IQANK1: variants seen among roughly 807,000 people sequenced by gnomAD.
IQANK1 encodes IQ motif and ankyrin repeat domain-containing protein 1.
Under a neutral mutation model 22.6 loss-of-function variants are expected in IQANK1, and 30 were observed. The observed-to-expected ratio is 1.33, with a 90% CI of 0.99 to 1.80. The LOEUF (loss-of-function observed/expected upper bound fraction) is 1.80. Among genes scored for constraint, IQANK1 ranks in the 40% most tolerant of loss-of-function variants. The pLI is 0.00. For missense variants in IQANK1, 275 were observed against 235.2 expected (o/e 1.17, Z -1.11); for synonymous variants, 122 against 99.6 (o/e 1.23, Z -1.34).
intron 7 of IQANK1, among the ~76,000 whole-genome samples, chr8:143,775,088 G>A (rs1236962918): frequency 6.6e-6 from 1 of 151,998 alleles, no homozygotes; most frequent in Non-Finnish European, 1.5e-5. Context: ...ACGCAAAACT[G>A]CACATGTGAG....
intron 7 of IQANK1, among the ~76,000 whole-genome samples, chr8:143,785,483 T>A (rs928555641): frequency 2.0e-5 from 3 of 152,116 alleles, no homozygotes; most frequent in African/African-American, 7.2e-5. Context: ...CTTGAACTCC[T>A]GACCTCAAGT....
intron 7 of IQANK1, among the ~76,000 whole-genome samples, chr8:143,776,767 G>A (rs566503455): frequency 3.9e-5 from 6 of 152,234 alleles, no homozygotes; most frequent in Admixed American, 3.3e-4. Flanking sequence ...TAGCTAATAA[G>A]GCAGTTGAAT....
chr8:143,769,368 A>AT (rs1237064679), intron 3 of IQANK1, among the ~76,000 whole-genome samples: 2 of 148,054 alleles, frequency 1.4e-5, no homozygotes, highest in Non-Finnish European at 3.0e-5. Context: ...CCCTATATAT[A>AT]TTTTTTTAAA....
intron 7 of IQANK1, among the ~76,000 whole-genome samples, chr8:143,773,011 A>G (rs1554629950): frequency 6.6e-6 from 1 of 152,218 alleles, no homozygotes; most frequent in East Asian, 1.9e-4. Flanking sequence ...TAGAAAGGAC[A>G]GTCTGGCTGT....
At position 143,735,843 on chromosome 8, in the gene IQANK1, C is replaced by T. The variant is rs1170550920; in HGVS notation, c.-4-7C>T. Reference sequence around the variant, plus strand: ...CTCTCCCTGGTCCTTCCCTACCCACCCCCCAGGAGAATGGACAGTAAGAAG... The same window carrying T: ...CTCTCCCTGGTCCTTCCCTACCCACTCCCCAGGAGAATGGACAGTAAGAAG... On this transcript the variant is annotated splice_region_variant and splice_polypyrimidine_tract_variant and intron_variant, in intron 1 of 13. Transcript: ENST00000527139. This position sits in a 1 kb window ranked among gnomAD's most constrained non-coding sequence, Gnocchi z 5.2. The T allele has an allele frequency of 2.7e-5, 19 of 702,576 alleles. No homozygotes were observed. In the East Asian group the frequency reaches 4.8e-4, roughly 18 times the overall value. The allele number at this position is 702,576 out of a possible 1,614,324, so 43.5% of individuals were successfully genotyped here.
chr8:143,780,193 C>A (rs1554630819), intron 7 of IQANK1, among the ~76,000 whole-genome samples: 2 of 152,114 alleles, frequency 1.3e-5, no homozygotes, highest in African/African-American at 4.8e-5. Context: ...AGTTACAAAA[C>A]TTTCCTGAAA....
intron 11 of IQANK1, 39 bp downstream of exon 11, chr8:143,789,908 T>TA: frequency 8.1e-7 from 1 of 1,231,552 alleles, no homozygotes; most frequent in Non-Finnish European, 1.0e-6. Context: ...GGCTGGGACA[T>TA]ACAGCCCAGG....
intron 3 of IQANK1, among the ~76,000 whole-genome samples, chr8:143,748,945 ATATC>A (rs1363363179): frequency 4.2e-5 from 5 of 117,862 alleles, no homozygotes; most frequent in Non-Finnish European, 6.3e-5. Flanking sequence ...ATATATACAT[ATATC>A]TATATATAAA....
intron 7 of IQANK1, among the ~76,000 whole-genome samples, chr8:143,780,637 C>T (rs1038818748): frequency 2.6e-5 from 4 of 152,186 alleles, no homozygotes; most frequent in African/African-American, 9.7e-5. Flanking sequence ...CATCCATGTT[C>T]CTGCAAAGGA....
intron 2 of IQANK1, among the ~76,000 whole-genome samples, chr8:143,738,356 C>T (rs1227278402): frequency 6.6e-6 from 1 of 152,230 alleles, no homozygotes; most frequent in Non-Finnish European, 1.5e-5. Flanking sequence ...CGTGTGCTCC[C>T]ACGCCAGGCT....
chr8:143,780,926 A>G (rs1236940890), intron 7 of IQANK1, among the ~76,000 whole-genome samples: 9 of 152,130 alleles, frequency 5.9e-5, no homozygotes, highest in African/African-American at 2.2e-4. Context: ...TGGCTGAACT[A>G]ATTTATACTC....
chr8:143,747,291 A>G (rs575948477), intron 3 of IQANK1, among the ~76,000 whole-genome samples: 10 of 152,114 alleles, frequency 6.6e-5, no homozygotes, highest in African/African-American at 2.4e-4. Context: ...AAGTTTGTCA[A>G]TTTTGTTGAT....
intron 2 of IQANK1, among the ~76,000 whole-genome samples, chr8:143,738,550 C>T (rs984994057): frequency 2.0e-5 from 3 of 152,318 alleles, no homozygotes; most frequent in African/African-American, 4.8e-5. Context: ...GCTGACACGG[C>T]GGCACGGGGC....
chr8:143,775,194 T>G (rs781997686), intron 7 of IQANK1, among the ~76,000 whole-genome samples: 3 of 152,054 alleles, frequency 2.0e-5, no homozygotes, highest in Non-Finnish European at 4.4e-5. Context: ...TATCCTAGTT[T>G]GTATGTTGTA....
chr8:143,748,830 T>TTCATATATAAATATATAAATATATCTA (rs1819104428), intron 3 of IQANK1, among the ~76,000 whole-genome samples: 1 of 84,004 alleles, frequency 1.2e-5, no homozygotes, highest in Non-Finnish European at 2.1e-5. Flanking sequence ...AAATATATAT[T>TTCATATATAAATATATAAATATATCTA]TCATATATAA....
Position 143,774,631 on chromosome 8 carries a change from C to G in IQANK1, c.789+2149C>G, listed in dbSNP as rs1819650924. ...AAAAGTGAACACATTTACCATGTAACACAGCATCAGACTCCTAGACATTTG... is the reference window on the plus strand; with the variant it reads ...AAAAGTGAACACATTTACCATGTAAGACAGCATCAGACTCCTAGACATTTG... On this transcript the variant is annotated intron_variant, in intron 7 of 13. Coordinates refer to ENST00000527139, the MANE Select transcript of IQANK1 (RefSeq NM_001381874.1). This position sits in a 1 kb window ranked among gnomAD's most constrained non-coding sequence, Gnocchi z 4.2. Among the ~76,000 whole-genome samples the G allele has an allele frequency of 6.6e-6, 1 of 152,186 alleles. No individual in the cohort carries two copies. The highest frequency in any genetic ancestry group is 1.5e-5 in the Non-Finnish European group (1 of 68,034).
intron 3 of IQANK1, among the ~76,000 whole-genome samples, chr8:143,752,601 ATGG>A (rs1819215517): frequency 6.6e-6 from 1 of 152,154 alleles, no homozygotes; most frequent in Non-Finnish European, 1.5e-5. Flanking sequence ...TGCATATATG[ATGG>A]TGGTCCTCAA....
intron 7 of IQANK1, among the ~76,000 whole-genome samples, chr8:143,784,515 A>G (rs144683147): frequency 6.6e-6 from 1 of 152,320 alleles, no homozygotes; most frequent in African/African-American, 2.4e-5. Context: ...AGTTCTTTTT[A>G]GCCATGTGAG....
chr8:143,775,757 G>A (rs1263442192), intron 7 of IQANK1, among the ~76,000 whole-genome samples: 2 of 136,496 alleles, frequency 1.5e-5, no homozygotes, highest in Non-Finnish European at 3.1e-5. Context: ...GTGAGATTCC[G>A]CCTCAAAAAC....
Sources: allele counts gnomAD v4.1 joint callset (sites outside exome capture counted in the v4.1 genomes callset), GRCh38; gene constraint gnomAD v4.1.1; non-coding constraint Gnocchi (gnomAD v3.1); transcripts MANE v1.5; gene names NCBI Gene and HGNC (gene_info 2026-07-23, HGNC 2026-07-21).